The following NAALADL2 variants were observed in gnomAD, a reference collection of about 807,000 sequenced individuals.
The protein encoded by NAALADL2 is N-acetylated alpha-linked acidic dipeptidase like 2.
In NAALADL2, 76 loss-of-function variants were observed where a neutral mutation model predicts 87.2. That is an observed-to-expected ratio of 0.87 (90% CI 0.72 to 1.05). The LOEUF (loss-of-function observed/expected upper bound fraction) is 1.05. NAALADL2 is among the 50% of genes least tolerant of loss of function. The pLI is 0.00. For missense variants in NAALADL2, 1,089 were observed against 945.8 expected (o/e 1.15, Z -1.99); for synonymous variants, 354 against 331.0 (o/e 1.07, Z -0.75).
chr3:175,200,278 A>T (rs1350214145), intron 2 of NAALADL2, among the ~76,000 whole-genome samples: 1 of 152,070 alleles, frequency 6.6e-6, no homozygotes, highest in Non-Finnish European at 1.5e-5. Context: ...CTAGTTCCTA[A>T]CTCAATTTAG....
At chr3:175,302,404 C>A (rs977999571) in intron 4 of NAALADL2, among the ~76,000 whole-genome samples, 1 of 152,088 alleles carries the variant, frequency 6.6e-6, no homozygotes, top group African/African-American at 2.4e-5. Context: ...AGGGATTTTA[C>A]AATAATAATT....
intron 1 of NAALADL2, among the ~76,000 whole-genome samples, chr3:174,906,141 T>A (rs549291162): frequency 2.8e-4 from 42 of 152,086 alleles, no homozygotes; most frequent in Non-Finnish European, 7.4e-5. Context: ...TATTTCTCAA[T>A]GATCTTTACA....
At chr3:175,338,623 A>AC (rs1762259558) in intron 5 of NAALADL2, among the ~76,000 whole-genome samples, 4 of 16,734 alleles carry the variant, frequency 2.4e-4, no homozygotes, top group South Asian at 2.4e-3. Flanking sequence ...AACACCACAA[A>AC]CACACACACA....
intron 2 of NAALADL2, among the ~76,000 whole-genome samples, chr3:174,625,185 G>A (rs1721447265): frequency 6.7e-6 from 1 of 150,230 alleles, no homozygotes; most frequent in African/African-American, 2.4e-5. Context: ...CAGCTTCCCA[G>A]GTAACTGGGA....
At chr3:175,772,917 T>C (rs1749704226) in intron 13 of NAALADL2, among the ~76,000 whole-genome samples, 1 of 152,096 alleles carries the variant, frequency 6.6e-6, no homozygotes, top group Admixed American at 6.6e-5. Flanking sequence ...AAAATACATA[T>C]AAAATATCTT....
At chr3:175,434,152 G>A (rs1288041812) in intron 5 of NAALADL2, among the ~76,000 whole-genome samples, 1 of 151,932 alleles carries the variant, frequency 6.6e-6, no homozygotes, top group African/African-American at 2.4e-5. Flanking sequence ...GGGCATTTCT[G>A]TAATAATAGT....
At chr3:174,986,396 G>A (rs899951168) in intron 1 of NAALADL2, among the ~76,000 whole-genome samples, 2 of 150,426 alleles carry the variant, frequency 1.3e-5, no homozygotes, top group Non-Finnish European at 3.0e-5. Context: ...TATATTTTAT[G>A]TTTGTATATG....
rs142781331 is a variant in NAALADL2, at chr3:174,714,875, G to A, written c.-114-22766G>A. On this transcript the variant is annotated intron_variant, in intron 2 of 3. Coordinates refer to the NAALADL2 transcript ENST00000434257. ...GAGAGAGGGCATCCCTGTCTTGTGCGAGTTTTCAAAGGGAATGCTTCCAGT... is the reference window on the plus strand; with the variant it reads ...GAGAGAGGGCATCCCTGTCTTGTGCAAGTTTTCAAAGGGAATGCTTCCAGT... Among the ~76,000 whole-genome samples the A allele has an allele frequency of 7.2e-3, 1,095 of 152,168 alleles. 13 individuals are homozygous for A. Among genetic ancestry groups the A allele is most frequent in the Admixed American group, 0.036 (544 of 15,266 alleles).
chr3:175,702,078 G>A (rs1388337334), intron 11 of NAALADL2, among the ~76,000 whole-genome samples: 1 of 151,702 alleles, frequency 6.6e-6, no homozygotes, highest in African/African-American at 2.4e-5. Context: ...TTTTTCTTCA[G>A]AAAATTTATG....
At chr3:175,052,769 T>A (rs1001888857) in intron 1 of NAALADL2, among the ~76,000 whole-genome samples, 1 of 152,208 alleles carries the variant, frequency 6.6e-6, no homozygotes, top group Non-Finnish European at 1.5e-5. Flanking sequence ...TAAGAGCTGT[T>A]AATAGTTTCC....
At chr3:175,796,183 G>A (rs1753475326) in intron 13 of NAALADL2, among the ~76,000 whole-genome samples, 1 of 151,724 alleles carries the variant, frequency 6.6e-6, no homozygotes. Flanking sequence ...GGGAGGGGAA[G>A]GAGAGAGAAA....
chr3:174,911,914 A>G (rs1399109734), intron 1 of NAALADL2, among the ~76,000 whole-genome samples: 1 of 152,082 alleles, frequency 6.6e-6, no homozygotes, highest in African/African-American at 2.4e-5. Flanking sequence ...ACTTACTGAA[A>G]TATCCATTCT....
At chr3:174,932,598 C>T (rs1737073497) in intron 1 of NAALADL2, among the ~76,000 whole-genome samples, 1 of 151,980 alleles carries the variant, frequency 6.6e-6, no homozygotes, top group African/African-American at 2.4e-5. Context: ...TCCTTAGCTT[C>T]CTTCTTATTA....
At chr3:174,928,057 G>A (rs1736345839) in intron 1 of NAALADL2, among the ~76,000 whole-genome samples, 1 of 152,030 alleles carries the variant, frequency 6.6e-6, no homozygotes, top group Non-Finnish European at 1.5e-5. Context: ...AGGAAAAAGT[G>A]AATGTAAATG....
At chr3:175,339,508 G>C (rs1399508395) in intron 5 of NAALADL2, among the ~76,000 whole-genome samples, 1 of 152,152 alleles carries the variant, frequency 6.6e-6, no homozygotes, top group Non-Finnish European at 1.5e-5. Flanking sequence ...AAATACCTGA[G>C]TTCATGAATG....
chr3:175,755,360 A>G lies in NAALADL2; in HGVS notation c.2131A>G (p.Ile711Val), dbSNP rs752784801. The change falls in exon 13 of 14, where the codon ATT (isoleucine) becomes GTT (valine). Residue 711 changes from isoleucine to valine, a missense_variant. Transcript: ENST00000454872. ...CATCCGCATCCGGATGCTGAATGAC[A>G]TTCTCCAAGACATGGAGAAAAGCTT... ...APIRIRMLND[I>V]LQDMEKSFLV... 1.9e-6 allele frequency: 3 copies of G among 1,612,174 alleles called. No homozygotes were observed. Among genetic ancestry groups the G allele is most frequent in the Non-Finnish European group, 2.5e-6 (3 of 1,179,060 alleles).
chr3:174,686,429 G>T (rs1043353683), intron 2 of NAALADL2, among the ~76,000 whole-genome samples: 2 of 149,912 alleles, frequency 1.3e-5, no homozygotes, highest in African/African-American at 4.9e-5. Flanking sequence ...ATCTCATTGT[G>T]GTTTTGATTT....
At chr3:174,699,670 G>A (rs1380886172) in intron 2 of NAALADL2, among the ~76,000 whole-genome samples, 1 of 151,954 alleles carries the variant, frequency 6.6e-6, no homozygotes, top group Non-Finnish European at 1.5e-5. Flanking sequence ...ATAGTTTTAT[G>A]TATCTACCAG....
At chr3:174,773,059 T>A (rs539098801) in intron 3 of NAALADL2, among the ~76,000 whole-genome samples, 1 of 151,920 alleles carries the variant, frequency 6.6e-6, no homozygotes, top group African/African-American at 2.4e-5. Context: ...CACAGGAGAG[T>A]ATGAAAGCTG....
Sources: allele counts gnomAD v4.1 joint callset (sites outside exome capture counted in the v4.1 genomes callset), GRCh38; gene constraint gnomAD v4.1.1; transcripts MANE v1.5; gene names NCBI Gene and HGNC (gene_info 2026-07-23, HGNC 2026-07-21).